Variants in SECISBP2 observed in about 807,000 individuals in gnomAD.
SECISBP2 encodes the protein selenocysteine insertion sequence-binding protein 2.
A neutral mutation model predicts 98.2 loss-of-function variants in SECISBP2; 96 were observed. The ratio of observed to expected loss-of-function variants is 0.98; its 90% CI spans 0.83 to 1.16. SECISBP2 has a LOEUF of 1.16. Among genes scored for constraint, SECISBP2 ranks in the 50% most tolerant of loss-of-function variants. The pLI is 0.00. For missense variants in SECISBP2, 1,046 were observed against 1,022.9 expected (o/e 1.02, Z -0.31); for synonymous variants, 407 against 370.2 (o/e 1.10, Z -1.14).
chr9:89,328,595 G>C (rs1222760517), intron 4 of SECISBP2, 65 bp from the exon 5 acceptor site: 2 of 1,279,144 alleles, frequency 1.6e-6, no homozygotes, highest in Non-Finnish European at 2.3e-6. Flanking sequence ...TGCAATTTTT[G>C]CTTGCATACT....
intron 1 of SECISBP2, 155 bp downstream of exon 1, chr9:89,318,767 G>T: frequency 8.1e-7 from 1 of 1,241,278 alleles, no homozygotes. Context: ...CGATCTTCGC[G>T]CCCCGCCTCG....
chr9:89,348,508 G>A (rs1225202145), intron 12 of SECISBP2, among the ~76,000 whole-genome samples: 1 of 152,212 alleles, frequency 6.6e-6, no homozygotes, highest in Non-Finnish European at 1.5e-5. Flanking sequence ...GTGGTCATGA[G>A]AATTAACACC....
intron 2 of SECISBP2, chr9:89,322,535 G>A (rs1587844590): frequency 6.6e-6 from 1 of 152,250 alleles, no homozygotes; most frequent in Non-Finnish European, 1.5e-5. Context: ...CAAATAGGTA[G>A]CACCAGAACC....
Position 89,350,805 on chromosome 9 carries a change from T to G in SECISBP2, c.2066T>G (p.Leu689Arg), listed in dbSNP as rs1587996568. The change falls in exon 14 of 17, where the codon CTG becomes CGG. Residue 689 changes from leucine (L) to arginine (R), a missense_variant. Transcript: ENST00000375807. ...CTCAAACACCTGAAGCTCAAAAAAC[T>G]GAAATGTGTCATTATTTCTCCCAAC... ...EVLKHLKLKKLKCVIISPNCE... is the reference protein window; with the variant it reads ...EVLKHLKLKKRKCVIISPNCE... The G allele has an allele frequency of 6.2e-7, 1 of 1,614,172 alleles. No individual in the cohort carries two copies. Among genetic ancestry groups the G allele is most frequent in the Non-Finnish European group, 8.5e-7 (1 of 1,180,030 alleles).
Position 89,359,085 on chromosome 9 carries a change from TCTGGAAAATA to T in SECISBP2, c.*271_*280del, listed in dbSNP as rs948011016. 8.2e-6 allele frequency: 4 copies of T among 488,316 alleles called. No homozygotes were observed. The highest frequency in any genetic ancestry group is 5.9e-5 in the African/African-American group (3 of 51,188). 30.2% of individuals were successfully genotyped at this position (488,316 alleles called of 1,614,324 possible). ...TCTGGCTTTCTGAGCACACTACGGA[TCTGGAAAATA>T]CTGGAAAATGTGATACTTAGAATAC... On this transcript the variant is annotated 3_prime_UTR_variant, in exon 17 of 17. Coordinates refer to ENST00000375807, the MANE Select transcript of SECISBP2 (RefSeq NM_024077.5).
chr9:89,358,607 C>T (rs1468355935), intron 16 of SECISBP2, 114 bp from the exon 17 acceptor site: 13 of 758,128 alleles, frequency 1.7e-5, no homozygotes, highest in Middle Eastern at 4.6e-4. Flanking sequence ...CTCTGAGCAC[C>T]GTGAGCTGCT....
chr9:89,341,306 G>A (rs755973997), intron 9 of SECISBP2, 41 bp from the exon 10 acceptor site: 1 of 1,573,058 alleles, frequency 6.4e-7, no homozygotes. Context: ...AGCACAGTTT[G>A]TATAGTTTTA....
chr9:89,350,497 C>T (rs1304904790), intron 13 of SECISBP2, 135 bp from the exon 14 acceptor site: 8 of 812,790 alleles, frequency 9.8e-6, no homozygotes, highest in African/African-American at 3.4e-5. Flanking sequence ...TTCCACAGTT[C>T]TGGTTAGTAG....
chr9:89,363,682 TTGTAAATAG>T, downstream of SECISBP2: 1 of 1,594,504 alleles, frequency 6.3e-7, no homozygotes, highest in Non-Finnish European at 8.6e-7. Context: ...TTCACTGCCA[TTGTAAATAG>T]TGAAAAATTA....
chr9:89,363,295 A>G, downstream of SECISBP2: 1 of 1,330,622 alleles, frequency 7.5e-7, no homozygotes, highest in Non-Finnish European at 1.0e-6. Context: ...GATTTCATAA[A>G]GGAAACTGCT....
Position 89,346,904 on chromosome 9 carries a change from C to A in SECISBP2, c.1458C>A (p.Ser486=), listed in dbSNP as rs765089738. Residue 486 remains serine, a synonymous_variant, in exon 11 of 17, where the codon TCC becomes TCA. Transcript: ENST00000375807. ...CAGTTGGAGCAGTGCCAGTCCTTTC[C>A]AAAGAATGTGCATCAGGGGAGAGAG... ...VVSVGAVPVL[S]KECASGERGR... 1 of 1,614,076 alleles carries A rather than the reference C, an allele frequency of 6.2e-7. No individual in the cohort carries two copies. Among genetic ancestry groups the A allele is most frequent in the Non-Finnish European group, 8.5e-7 (1 of 1,180,006 alleles).
downstream of SECISBP2, chr9:89,363,953 G>A (rs1442564360): frequency 1.9e-6 from 3 of 1,613,924 alleles, no homozygotes; most frequent in Non-Finnish European, 2.5e-6. Flanking sequence ...TGCAGGACCT[G>A]GGGACACAGA....
chr9:89,345,724 A>G (rs1830323904), intron 10 of SECISBP2, among the ~76,000 whole-genome samples: 1 of 152,198 alleles, frequency 6.6e-6, no homozygotes, highest in Non-Finnish European at 1.5e-5. Flanking sequence ...GCAGGAGCCC[A>G]GGTGAGATGC....
intron 14 of SECISBP2, among the ~76,000 whole-genome samples, chr9:89,351,785 A>G (rs1831320923): frequency 6.6e-6 from 1 of 152,216 alleles, no homozygotes; most frequent in South Asian, 2.1e-4. Flanking sequence ...ATATGACAGA[A>G]GGGATCTCAG....
At chr9:89,349,282 G>T (rs929957496) in intron 12 of SECISBP2, among the ~76,000 whole-genome samples, 1 of 152,170 alleles carries the variant, frequency 6.6e-6, no homozygotes, top group African/African-American at 2.4e-5. Flanking sequence ...ATCAGATCTG[G>T]TGTGTTTAAA....
At chr9:89,336,821 G>T (rs1828814591) in intron 7 of SECISBP2, among the ~76,000 whole-genome samples, 1 of 140,164 alleles carries the variant, frequency 7.1e-6, no homozygotes, top group African/African-American at 2.7e-5. Flanking sequence ...GCCCAGGTTG[G>T]AGTGCAATGG....
chr9:89,339,753 T>A (rs1323494862), intron 8 of SECISBP2, 111 bp from the exon 9 acceptor site: 21 of 797,684 alleles, frequency 2.6e-5, no homozygotes, highest in African/African-American at 1.0e-4. Context: ...CTTTTTTTTT[T>A]AAATCACTTT....
At chr9:89,332,757 A>G (rs1381814914) in intron 5 of SECISBP2, 151 bp from the exon 6 acceptor site, 2 of 685,328 alleles carry the variant, frequency 2.9e-6, no homozygotes, top group Non-Finnish European at 5.2e-6. Context: ...AAACTATTAA[A>G]TATCTCCCAA....
chr9:89,333,170 AAG>A (rs1473229062), intron 6 of SECISBP2, among the ~76,000 whole-genome samples, 184 bp downstream of exon 6: 4 of 152,256 alleles, frequency 2.6e-5, no homozygotes, highest in Admixed American at 1.3e-4. Context: ...TCCACACACA[AAG>A]AGTATAAAAT....
Sources: gnomAD v4.1 joint callset for allele counts (sites outside exome capture counted in the v4.1 genomes callset) on GRCh38, gnomAD v4.1.1 for gene constraint, MANE v1.5 for transcripts, NCBI Gene and HGNC (gene_info 2026-07-23, HGNC 2026-07-21) for gene names.